NID2: variants seen among roughly 807,000 people sequenced by gnomAD.
NID2 encodes nidogen-2.
Under a neutral mutation model 145.4 loss-of-function variants are expected in NID2, and 83 were observed. The ratio of observed to expected loss-of-function variants is 0.57; its 90% CI spans 0.48 to 0.69. The LOEUF is 0.69. Among genes scored for constraint, NID2 ranks in the 30% least tolerant of loss-of-function variants. The probability of loss-of-function intolerance (pLI) is 0.00; values close to 1 mark genes in which losing one functional copy is unlikely to be tolerated. For synonymous variants in NID2, 739 were observed against 701.3 expected, an observed-to-expected ratio of 1.05 and a Z score of -0.85; for missense variants, 1,807 against 1,765.7, an observed-to-expected ratio of 1.02 and a Z score of -0.42.
chr14:52,056,616 T>C (rs1892852624), intron 3 of NID2, among the ~76,000 whole-genome samples: 3 of 151,924 alleles, frequency 2.0e-5, no homozygotes, highest in Admixed American at 1.3e-4. Flanking sequence ...GCCAACATGG[T>C]GAAACCCCAC....
chr14:52,019,197 G>T lies in NID2; in HGVS notation c.2892C>A (p.Asp964Glu), dbSNP rs142814187. ...PGARFHIPQC[D>E]EQGNFLPLQC... The stretch of plus-strand genomic sequence containing the variant: ...GTAGGGGCAGGAAGTTGCCCTGCTC[G>T]TCGCATTGGGGGATGTGGAACCGGG... The change falls in exon 14 of 22, where the codon GAC becomes GAA. Residue 964 changes from aspartate (D) to glutamate (E), a missense_variant. Transcript: ENST00000216286. 6.2e-7 allele frequency: 1 copy of T among 1,613,990 alleles called. No homozygotes were observed. The highest frequency in any genetic ancestry group is 8.5e-7 in the Non-Finnish European group (1 of 1,179,876).
chr14:52,040,914 T>C (rs1892258505), intron 7 of NID2, 63 bp from the exon 8 acceptor site: 2 of 1,446,092 alleles, frequency 1.4e-6, no homozygotes, highest in South Asian at 1.1e-5. Flanking sequence ...GTTACCAGTA[T>C]ATACTGCCCG....
chr14:52,054,734 A>G (rs556768406), intron 3 of NID2, among the ~76,000 whole-genome samples: 1 of 152,342 alleles, frequency 6.6e-6, no homozygotes, highest in African/African-American at 2.4e-5. Flanking sequence ...CTGAAAGGCT[A>G]TTAAGATCAG....
rs1481405869 is a variant in NID2 at position 52,019,128 on chromosome 14, A to G, written c.2961T>C (p.Asp987=). Residue 987 remains aspartate (D), a synonymous_variant, in exon 14 of 22, where the codon GAT becomes GAC. Transcript: ENST00000216286. ...TCTGGGTACCAGGAACTTCATGACC[A>G]TCAGGGTCCACGCACCAGCAGAAAC... is the stretch of plus-strand genomic sequence containing the variant. The part of the protein sequence containing the change: ...STGFCWCVDP[D]GHEVPGTQTP... The G allele has an allele frequency of 1.2e-6, 2 of 1,614,156 alleles. No individual in the cohort carries two copies. The highest frequency in any genetic ancestry group is 1.7e-6 in the Non-Finnish European group (2 of 1,180,020).
Position 52,005,177 on chromosome 14 carries a change from A to AGTT in NID2, c.*306_*308dup, listed in dbSNP as rs1159011419. The AGTT allele has an allele frequency of 4.0e-6, 1 of 250,562 alleles. No homozygotes were observed. Among genetic ancestry groups the AGTT allele is most frequent in the Non-Finnish European group, 7.6e-6 (1 of 132,272 alleles). The allele number at this position is 250,562 out of a possible 1,614,324, so 15.5% of individuals were successfully genotyped here. ...TTTAGAGTCTTAAACTCTAATTCTT[A>AGTT]GTTGAATGAATTTGATCTTTTAAAT... On this transcript the variant is annotated 3_prime_UTR_variant, in exon 22 of 22. Transcript: ENST00000216286.
chr14:52,020,028 C>G, intron 13 of NID2, 31 bp downstream of exon 13: 1 of 1,611,764 alleles, frequency 6.2e-7, no homozygotes, highest in African/African-American at 1.3e-5. Flanking sequence ...CTAAGAGATT[C>G]ATGTGCCTAA....
At chr14:52,020,782 A>T (rs979754153) in intron 12 of NID2, among the ~76,000 whole-genome samples, 1 of 152,214 alleles carries the variant, frequency 6.6e-6, no homozygotes, top group Admixed American at 6.5e-5. Flanking sequence ...AAAAAATATT[A>T]TCTAGGGTTT....
intron 3 of NID2, among the ~76,000 whole-genome samples, chr14:52,056,938 T>A (rs1445543250): frequency 6.6e-6 from 1 of 152,212 alleles, no homozygotes; most frequent in Non-Finnish European, 1.5e-5. Context: ...AGGAAGAGTA[T>A]GACAAACATT....
chr14:52,053,703 A>G lies in NID2; in HGVS notation c.1305T>C (p.Val435=). 1 of 1,614,158 alleles carries G rather than the reference A, an allele frequency of 6.2e-7. No homozygotes were observed. Among genetic ancestry groups the G allele is most frequent in the Non-Finnish European group, 8.5e-7 (1 of 1,180,026 alleles). Residue 435 remains valine, a synonymous_variant, in exon 5 of 22, where the codon GTT becomes GTC. Transcript: ENST00000216286. ...DGGPVPSEMD[V]PPAHPEEEIV... is the part of the protein sequence containing the mutation. ...TTTCTTCTTCAGGATGAGCTGGGGG[A>G]ACATCCATTTCCGAAGGCACTGGCC...
At chr14:52,061,376 TCATA>T (rs1893015947) in intron 2 of NID2, among the ~76,000 whole-genome samples, 1 of 152,220 alleles carries the variant, frequency 6.6e-6, no homozygotes, top group Non-Finnish European at 1.5e-5. Context: ...ATTTATTCAT[TCATA>T]CACTAATTCA....
At chr14:52,052,251 C>G (rs1194763959) in intron 5 of NID2, among the ~76,000 whole-genome samples, 1 of 152,186 alleles carries the variant, frequency 6.6e-6, no homozygotes, top group Non-Finnish European at 1.5e-5. Context: ...GAAATGTGGT[C>G]CCTTAGGCAC....
At chr14:52,027,104 AG>A in intron 12 of NID2, 96 bp downstream of exon 12, 1 of 1,263,594 alleles carries the variant, frequency 7.9e-7, no homozygotes, top group Non-Finnish European at 1.0e-6. Context: ...TTAGAGTCAA[AG>A]GAAGTCCTTT....
chr14:52,005,712 GAGCATCCTAA>G lies in NID2; in HGVS notation c.4117+15_4117+24del. 6.4e-7 allele frequency: 1 copy of G among 1,563,636 alleles called. No individual in the cohort carries two copies. The highest frequency in any genetic ancestry group is 8.8e-7 in the Non-Finnish European group (1 of 1,134,210). Reference sequence around the variant, plus strand: ...CCTTCTCTACCCTGCTAATTTAAAGGAGCATCCTAAAGCATACTTTTTACCTGTTGGGCAG... The same window carrying G: ...CCTTCTCTACCCTGCTAATTTAAAGGAGCATACTTTTTACCTGTTGGGCAG... On this transcript the variant is annotated intron_variant, in intron 21 of 21. Coordinates refer to ENST00000216286, the MANE Select transcript of NID2 (RefSeq NM_007361.4).
chr14:52,059,346 C>A (rs1595055012), intron 3 of NID2, among the ~76,000 whole-genome samples: 1 of 152,070 alleles, frequency 6.6e-6, no homozygotes, highest in Non-Finnish European at 1.5e-5. Flanking sequence ...TTAATGAAGT[C>A]AAGAAGCAGT....
chr14:52,034,589 G>T (rs1016045100), intron 9 of NID2, among the ~76,000 whole-genome samples: 1 of 152,152 alleles, frequency 6.6e-6, no homozygotes, highest in Non-Finnish European at 1.5e-5. Flanking sequence ...CTCATTACAA[G>T]TCACTTTCGC....
intron 9 of NID2, among the ~76,000 whole-genome samples, chr14:52,035,253 A>G (rs760751500): frequency 6.6e-6 from 1 of 152,100 alleles, no homozygotes; most frequent in East Asian, 1.9e-4. Flanking sequence ...TAAAAATCCC[A>G]TGTTCCACCT....
intron 8 of NID2, 39 bp from the exon 9 acceptor site, chr14:52,039,016 A>C (rs747446213): frequency 7.1e-7 from 1 of 1,405,980 alleles, no homozygotes; most frequent in South Asian, 1.3e-5. Flanking sequence ...AAAATATTAA[A>C]TACAGAGATT....
chr14:52,011,102 C>G, intron 17 of NID2, 55 bp from the exon 18 acceptor site: 1 of 1,566,418 alleles, frequency 6.4e-7, no homozygotes, highest in South Asian at 1.1e-5. Context: ...GAGGGCAAAC[C>G]TGAAGCCCTC....
chr14:52,042,655 C>T, intron 6 of NID2, 127 bp downstream of exon 6: 1 of 984,176 alleles, frequency 1.0e-6, no homozygotes, highest in Non-Finnish European at 1.5e-6. Context: ...TGAGCACCTG[C>T]AAGTTGATAG....
Sources: gnomAD v4.1 joint callset for allele counts (sites outside exome capture counted in the v4.1 genomes callset) on GRCh38, gnomAD v4.1.1 for gene constraint, MANE v1.5 for transcripts, NCBI Gene and HGNC (gene_info 2026-07-23, HGNC 2026-07-21) for gene names.